The following COL25A1 variants were observed in gnomAD, a reference collection of about 807,000 sequenced individuals.
COL25A1 encodes the protein collagen alpha-1(XXV) chain.
COL25A1 carries 103 observed loss-of-function variants against 128.4 expected under a neutral mutation model. The observed-to-expected ratio is 0.80, with a 90% CI of 0.68 to 0.94. The LOEUF is 0.94. Ranked by LOEUF, COL25A1 falls within the 40% of genes least tolerant of loss-of-function variation. The pLI, the probability that COL25A1 is intolerant of heterozygous loss-of-function variation, is 0.00. For missense variants in COL25A1, 745 were observed against 840.0 expected (o/e 0.89, Z 1.40); for synonymous variants, 279 against 277.2 (o/e 1.01, Z -0.06).
intron 5 of COL25A1, among the ~76,000 whole-genome samples, chr4:109,024,788 A>G (rs560937311): frequency 3.8e-4 from 54 of 142,076 alleles, no homozygotes; most frequent in African/African-American, 1.3e-3. Context: ...CTTTCTTCCA[A>G]TTCAGGGTGT....
At chr4:109,230,879 GCCTGTAAT>G (rs1553963954) in intron 3 of COL25A1, among the ~76,000 whole-genome samples, 1 of 152,158 alleles carries the variant, frequency 6.6e-6, no homozygotes, top group Non-Finnish European at 1.5e-5. Flanking sequence ...AGCGGCTCAC[GCCTGTAAT>G]CCCAATGCTT....
At chr4:109,026,697 T>C (rs903846175) in intron 5 of COL25A1, among the ~76,000 whole-genome samples, 1 of 152,144 alleles carries the variant, frequency 6.6e-6, no homozygotes, top group African/African-American at 2.4e-5. Context: ...CTAAAAGGCA[T>C]ATAGGGTTAA....
chr4:109,194,414 C>T (rs971589484), intron 3 of COL25A1, among the ~76,000 whole-genome samples: 18 of 152,054 alleles, frequency 1.2e-4, no homozygotes, highest in African/African-American at 4.4e-4. Context: ...TTGGGAGAAG[C>T]CTAGTGTTAG....
intron 3 of COL25A1, among the ~76,000 whole-genome samples, chr4:109,085,190 C>T (rs769266076): frequency 9.2e-5 from 14 of 152,138 alleles, no homozygotes; most frequent in Non-Finnish European, 2.1e-4. Flanking sequence ...TCACCATTAC[C>T]GGACTGAGTC....
chr4:109,036,632 G>T (rs1025718770), intron 5 of COL25A1, among the ~76,000 whole-genome samples: 12 of 152,174 alleles, frequency 7.9e-5, no homozygotes, highest in African/African-American at 2.9e-4. Context: ...ATTGAATAAT[G>T]GTCAGACTAC....
At chr4:109,186,053 A>C (rs1467896072) in intron 3 of COL25A1, among the ~76,000 whole-genome samples, 2 of 152,240 alleles carry the variant, frequency 1.3e-5, no homozygotes, top group African/African-American at 4.8e-5. Context: ...AACCTACCAA[A>C]TATATGAGAA....
At chr4:109,285,871 T>G (rs534245452) in intron 3 of COL25A1, among the ~76,000 whole-genome samples, 63 of 134,930 alleles carry the variant, frequency 4.7e-4, no homozygotes, top group Admixed American at 2.8e-3. Flanking sequence ...TGTTTTGTTT[T>G]GTTTTTTGTT....
chr4:109,248,329 T>A (rs903675315), intron 3 of COL25A1, among the ~76,000 whole-genome samples: 23 of 152,124 alleles, frequency 1.5e-4, no homozygotes, highest in African/African-American at 5.3e-4. Flanking sequence ...ATGGTAAAGA[T>A]TTATTTTACT....
At chr4:109,107,957 T>A (rs1264424112) in intron 3 of COL25A1, among the ~76,000 whole-genome samples, 1 of 152,234 alleles carries the variant, frequency 6.6e-6, no homozygotes, top group Non-Finnish European at 1.5e-5. Flanking sequence ...ACTCTTTCCA[T>A]TCATTTTCTT....
intron 3 of COL25A1, among the ~76,000 whole-genome samples, chr4:109,155,501 G>C (rs1430590628): frequency 1.3e-5 from 2 of 152,140 alleles, no homozygotes; most frequent in Admixed American, 1.3e-4. Flanking sequence ...TACCCAAAAT[G>C]GTATCCTAGA....
At chr4:109,221,970 A>C (rs1335603664) in intron 3 of COL25A1, among the ~76,000 whole-genome samples, 2 of 152,160 alleles carry the variant, frequency 1.3e-5, no homozygotes, top group Non-Finnish European at 2.9e-5. Flanking sequence ...GTTTCAGCAA[A>C]ATAGGCATAT....
rs185046736 is a variant in COL25A1 at position 109,205,091 on chromosome 4, G to A, written c.367+95492C>T. On this transcript the variant is annotated intron_variant, in intron 3 of 37. Transcript: ENST00000399132. ...TATAAGAAATACATAATTCATTATCGTAATGGTTCAGCTACATCATGTGTC... is the reference window on the plus strand; with the variant it reads ...TATAAGAAATACATAATTCATTATCATAATGGTTCAGCTACATCATGTGTC... Among the ~76,000 whole-genome samples, 348 of 152,154 alleles carry A rather than the reference G, an allele frequency of 2.3e-3. 1 individual carries two copies. Among genetic ancestry groups the A allele is most frequent in the African/African-American group, 7.7e-3 (318 of 41,534 alleles).
chr4:108,996,289 GAA>G (rs1237222386), intron 6 of COL25A1, among the ~76,000 whole-genome samples: 21 of 13,688 alleles, frequency 1.5e-3, no homozygotes, highest in African/African-American at 2.3e-3. Flanking sequence ...AAGCAAATGG[GAA>G]AAAAAAAAAA....
At chr4:109,186,431 GAA>G (rs1430492394) in intron 3 of COL25A1, among the ~76,000 whole-genome samples, 1 of 152,140 alleles carries the variant, frequency 6.6e-6, no homozygotes, top group African/African-American at 2.4e-5. Context: ...TAATGTTTCA[GAA>G]AAGAGATCTC....
At chr4:108,953,392 C>T (rs1749687629) in intron 8 of COL25A1, among the ~76,000 whole-genome samples, 1 of 152,208 alleles carries the variant, frequency 6.6e-6, no homozygotes. Context: ...TCCCTGAACT[C>T]TGCATGTTTC....
chr4:108,886,488 G>GTTTTT (rs1413657808), intron 18 of COL25A1, among the ~76,000 whole-genome samples: 13 of 49,426 alleles, frequency 2.6e-4, no homozygotes, highest in African/African-American at 8.4e-4. Context: ...GTGTGTGTGT[G>GTTTTT]TGTGTTTAGC....
chr4:109,190,151 T>C (rs952656595), intron 3 of COL25A1, among the ~76,000 whole-genome samples: 23 of 152,204 alleles, frequency 1.5e-4, no homozygotes, highest in African/African-American at 5.3e-4. Flanking sequence ...GATAATATGT[T>C]TGTAGACCAA....
At chr4:109,171,066 T>C (rs939299458) in intron 3 of COL25A1, among the ~76,000 whole-genome samples, 1 of 152,254 alleles carries the variant, frequency 6.6e-6, no homozygotes, top group African/African-American at 2.4e-5. Context: ...TGAATGAATG[T>C]GAACCCTACC....
rs527262346 is a variant in COL25A1, at chr4:109,032,661, C to T, written c.420+15507G>A. Among the ~76,000 whole-genome samples the T allele has an allele frequency of 2.0e-5, 3 of 152,266 alleles. No individual in the cohort carries two copies. The East Asian group carries it at 5.8e-4, about 29-fold the overall frequency. ...TAAATCAGATACTGTAATGTTATAA[C>T]CAAGAGTATCTGAATACATTTCTTT... On this transcript the variant is annotated intron_variant, in intron 5 of 37. Coordinates refer to ENST00000399132, the MANE Select transcript of COL25A1 (RefSeq NM_198721.4).
Sources: gnomAD v4.1 joint callset for allele counts (sites outside exome capture counted in the v4.1 genomes callset) on GRCh38, gnomAD v4.1.1 for gene constraint, MANE v1.5 for transcripts, NCBI Gene and HGNC (gene_info 2026-07-23, HGNC 2026-07-21) for gene names.